Variants in MAMDC2 observed in about 807,000 individuals in gnomAD.
The protein encoded by MAMDC2 is MAM domain containing 2.
In MAMDC2, 57 loss-of-function variants were observed where a neutral mutation model predicts 89.8. That is an observed-to-expected ratio of 0.63 (90% CI 0.51 to 0.79). The LOEUF is 0.79. MAMDC2 is among the 30% of genes least tolerant of loss of function. The pLI is 0.00. For synonymous variants in MAMDC2, 313 were observed against 293.4 expected, an observed-to-expected ratio of 1.07 and a Z score of -0.68; for missense variants, 800 against 820.6, an observed-to-expected ratio of 0.97 and a Z score of 0.31.
chr9:70,168,447 G>A (rs879289954), intron 9 of MAMDC2, among the ~76,000 whole-genome samples: 3 of 152,148 alleles, frequency 2.0e-5, no homozygotes, highest in Admixed American at 6.6e-5. Flanking sequence ...AGCCAAGATC[G>A]TACCACTACA....
At chr9:70,060,057 T>C (rs1827112003) in intron 2 of MAMDC2, among the ~76,000 whole-genome samples, 1 of 152,228 alleles carries the variant, frequency 6.6e-6, no homozygotes, top group Non-Finnish European at 1.5e-5. Flanking sequence ...AGTCACCTGA[T>C]TGTAATTCTT....
chr9:70,061,302 A>T (rs572847426), intron 2 of MAMDC2, among the ~76,000 whole-genome samples: 1 of 152,192 alleles, frequency 6.6e-6, no homozygotes, highest in Non-Finnish European at 1.5e-5. Flanking sequence ...TGTTGGTTAA[A>T]TGGTGTCTGC....
intron 2 of MAMDC2, among the ~76,000 whole-genome samples, chr9:70,075,795 C>G (rs1006819749): frequency 5.9e-5 from 9 of 152,184 alleles, no homozygotes; most frequent in African/African-American, 2.2e-4. Flanking sequence ...ATTGTAAGCA[C>G]CCCAAGTGTC....
At chr9:70,190,208 G>C (rs1321142858) in intron 11 of MAMDC2, among the ~76,000 whole-genome samples, 2 of 152,040 alleles carry the variant, frequency 1.3e-5, no homozygotes, top group African/African-American at 4.8e-5. Context: ...CAGTTTTACA[G>C]ATTCTTCTTC....
At chr9:70,174,089 C>T (rs1460502611) in intron 11 of MAMDC2, among the ~76,000 whole-genome samples, 1 of 152,118 alleles carries the variant, frequency 6.6e-6, no homozygotes, top group Admixed American at 6.6e-5. Flanking sequence ...TAATTAATAC[C>T]TACCTCACAG....
intron 2 of MAMDC2, among the ~76,000 whole-genome samples, chr9:70,068,422 A>G (rs1264445938): frequency 6.6e-6 from 1 of 152,198 alleles, no homozygotes; most frequent in Non-Finnish European, 1.5e-5. Flanking sequence ...TCAAAAGACT[A>G]AAAGCCAATA....
chr9:70,063,301 T>C (rs960219334), intron 2 of MAMDC2: 5 of 151,954 alleles, frequency 3.3e-5, no homozygotes, highest in African/African-American at 1.2e-4. Context: ...AGCCAAGTGG[T>C]ATAAGGTTCG....
chr9:70,203,505 A>C (rs1040486133), intron 11 of MAMDC2, among the ~76,000 whole-genome samples: 6 of 138,270 alleles, frequency 4.3e-5, no homozygotes, highest in African/African-American at 1.6e-4. Context: ...CCTCCATTTC[A>C]ACTTTGGTGA....
At chr9:70,093,843 C>T (rs763227501) in intron 2 of MAMDC2, 12 of 152,164 alleles carry the variant, frequency 7.9e-5, no homozygotes, top group South Asian at 2.1e-4. Context: ...CACTCTCTAT[C>T]GGGTAATGCA....
intron 8 of MAMDC2, among the ~76,000 whole-genome samples, chr9:70,142,887 C>T (rs2031275053): frequency 6.6e-6 from 1 of 152,146 alleles, no homozygotes; most frequent in African/African-American, 2.4e-5. Context: ...CCAGGATACA[C>T]AAACTCATTT....
Position 70,108,243 on chromosome 9 carries a change from A to AAGCAGG in MAMDC2, c.182_187dup (p.Gln62_Gly63insGluGln), listed in dbSNP as rs756849304. ...CATTTATGTGGATACCTCCTTTGGC[A>AAGCAGG]AGCAGGGGGAGAAAGCTGTGCTGCT... On this transcript the variant is annotated inframe_insertion, in exon 3 of 14. Coordinates refer to ENST00000377182, the MANE Select transcript of MAMDC2 (RefSeq NM_153267.5). 19 of 1,609,380 alleles carry AAGCAGG rather than the reference A, an allele frequency of 1.2e-5. No individual in the cohort carries two copies. The highest frequency in any genetic ancestry group is 4.0e-5 in the African/African-American group (3 of 74,628).
intron 2 of MAMDC2, among the ~76,000 whole-genome samples, chr9:70,049,994 T>C (rs1359584573): frequency 6.6e-6 from 1 of 152,138 alleles, no homozygotes; most frequent in Non-Finnish European, 1.5e-5. Context: ...TCCTCCAGCA[T>C]TGGAGGAAAC....
chr9:70,195,481 A>C (rs1166608999), intron 11 of MAMDC2, among the ~76,000 whole-genome samples: 2 of 152,086 alleles, frequency 1.3e-5, no homozygotes, highest in Non-Finnish European at 2.9e-5. Context: ...CTAAGGGCAA[A>C]AAGCCATGGT....
At chr9:70,206,678 G>A (rs934986982) in intron 11 of MAMDC2, among the ~76,000 whole-genome samples, 23 of 151,738 alleles carry the variant, frequency 1.5e-4, no homozygotes, top group African/African-American at 2.2e-4. Flanking sequence ...TGTGCACAAC[G>A]TACACATTTG....
chr9:70,083,786 A>G (rs1289884261), intron 2 of MAMDC2: 1 of 151,286 alleles, frequency 6.6e-6, no homozygotes, highest in Non-Finnish European at 1.5e-5. Flanking sequence ...AATGCCCTGT[A>G]GTACTTTAAG....
At chr9:70,144,636 A>G (rs1194734469) in intron 9 of MAMDC2, among the ~76,000 whole-genome samples, 1 of 152,226 alleles carries the variant, frequency 6.6e-6, no homozygotes, top group Non-Finnish European at 1.5e-5. Context: ...CTATCCTTCA[A>G]ACAGATAACT....
chr9:70,152,804 T>C (rs948553200), intron 9 of MAMDC2, among the ~76,000 whole-genome samples: 8 of 152,212 alleles, frequency 5.3e-5, no homozygotes, highest in Admixed American at 1.3e-4. Context: ...AAAATGGGTA[T>C]ACCAGGAGTA....
At chr9:70,197,095 C>G (rs1264927839) in intron 11 of MAMDC2, among the ~76,000 whole-genome samples, 2 of 152,092 alleles carry the variant, frequency 1.3e-5, no homozygotes, top group Non-Finnish European at 2.9e-5. Flanking sequence ...AATACAACCT[C>G]ACTGCTTCAG....
At chr9:70,096,077 G>A (rs1203355996) in intron 2 of MAMDC2, among the ~76,000 whole-genome samples, 4 of 151,418 alleles carry the variant, frequency 2.6e-5, no homozygotes, top group African/African-American at 9.7e-5. Context: ...GGGCTGGACT[G>A]CACTGGTGCA....
Sources: allele counts gnomAD v4.1 joint callset (sites outside exome capture counted in the v4.1 genomes callset), GRCh38; gene constraint gnomAD v4.1.1; transcripts MANE v1.5; gene names NCBI Gene and HGNC (gene_info 2026-07-23, HGNC 2026-07-21).